Variants in TOX observed in about 807,000 individuals in gnomAD.
TOX encodes the protein thymocyte selection associated high mobility group box.
In TOX, 11 loss-of-function variants were observed where a neutral mutation model predicts 53.7. That is an observed-to-expected ratio of 0.20 (90% confidence interval 0.13 to 0.34). The LOEUF (loss-of-function observed/expected upper bound fraction) is 0.34, where lower values mean the gene tolerates loss of function less well. Ranked by LOEUF, TOX falls within the 10% of genes least tolerant of loss-of-function variation. The pLI is 1.00. For synonymous variants in TOX, 225 were observed against 245.3 expected, an observed-to-expected ratio of 0.92 and a Z score of 0.77; for missense variants, 570 against 664.6, an observed-to-expected ratio of 0.86 and a Z score of 1.56.
chr8:58,979,149 A>G (rs1051001390), intron 1 of TOX, among the ~76,000 whole-genome samples: 1 of 152,230 alleles, frequency 6.6e-6, no homozygotes, highest in African/African-American at 2.4e-5. Flanking sequence ...ACAGGATTTT[A>G]CATGGATTAA....
chr8:59,119,083 G>T lies in TOX; in HGVS notation c.-96C>A, dbSNP rs188270050. 5.8e-5 allele frequency: 44 copies of T among 757,662 alleles called. No individual in the cohort carries two copies. In the South Asian group the frequency reaches 7.1e-4, roughly 12 times the overall value. The allele number at this position is 757,662 out of a possible 1,614,324, so 46.9% of individuals were successfully genotyped here. A position where few individuals can be genotyped will look rare whatever the true frequency, so the allele number is the denominator to read the frequency against. ...AGACGGAACAGAGTGAGGTGTCTGG[G>T]CTCAGGAGTAAAAGAAACACCTTCC... On this transcript the variant is annotated 5_prime_UTR_variant, in exon 1 of 9. Coordinates refer to ENST00000361421, the MANE Select transcript of TOX (RefSeq NM_014729.3).
chr8:59,038,042 C>G (rs1193951807), intron 1 of TOX, among the ~76,000 whole-genome samples: 1 of 152,056 alleles, frequency 6.6e-6, no homozygotes, highest in Non-Finnish European at 1.5e-5. Flanking sequence ...GCCAGACTTC[C>G]CTGTGGAAGA....
intron 1 of TOX, among the ~76,000 whole-genome samples, chr8:58,975,266 C>A (rs200609321): frequency 9.9e-4 from 124 of 124,846 alleles, no homozygotes; most frequent in Middle Eastern, 4.6e-3. Context: ...ACACACACCC[C>A]CACACAGAGA....
chr8:58,857,729 A>C (rs188070122), intron 3 of TOX, among the ~76,000 whole-genome samples: 35 of 152,092 alleles, frequency 2.3e-4, no homozygotes, highest in African/African-American at 8.2e-4. Context: ...TATTAGCTAC[A>C]TATTTCAGCA....
chr8:58,851,715 T>C lies in TOX; in HGVS notation c.502A>G (p.Arg168Gly). 1 of 1,613,592 alleles carries C rather than the reference T, an allele frequency of 6.2e-7. No homozygotes were observed. Among genetic ancestry groups the C allele is most frequent in the Non-Finnish European group, 8.5e-7 (1 of 1,179,814 alleles). Residue 168 changes from arginine (R) to glycine (G), a missense_variant, in exon 4 of 9, where the codon AGG becomes GGG. Around this residue, in one of 3 missense-constraint regions of TOX, gnomAD observed 282 missense variants for 315.0 expected, o/e 0.90. Coordinates refer to ENST00000361421, the MANE Select transcript of TOX (RefSeq NM_014729.3). This position sits in a 1 kb window ranked among gnomAD's most constrained non-coding sequence, Gnocchi z 4.4. ...MRPRGQPADI[R>G]QQPGMMPHGQ... Reference sequence around the variant, plus strand: ...TGTGGCATCATTCCTGGCTGCTGCCTGATGTCTGCAGGCTGGCCCCTTGGT... The same window carrying C: ...TGTGGCATCATTCCTGGCTGCTGCCCGATGTCTGCAGGCTGGCCCCTTGGT...
At chr8:59,110,772 C>T (rs1306621479) in intron 1 of TOX, among the ~76,000 whole-genome samples, 1 of 151,898 alleles carries the variant, frequency 6.6e-6, no homozygotes, top group Non-Finnish European at 1.5e-5. Flanking sequence ...AGGGAGATTA[C>T]ACACTGTACC....
At chr8:58,974,952 T>A (rs768819392) in intron 1 of TOX, among the ~76,000 whole-genome samples, 1 of 152,058 alleles carries the variant, frequency 6.6e-6, no homozygotes, top group South Asian at 2.1e-4. Context: ...CAAGATGTTA[T>A]CTGTGTAAAA....
At chr8:58,884,636 C>T (rs1811437169) in intron 3 of TOX, among the ~76,000 whole-genome samples, 1 of 152,142 alleles carries the variant, frequency 6.6e-6, no homozygotes, top group Non-Finnish European at 1.5e-5. Context: ...AGCAAAACCA[C>T]TACAACTATG....
At chr8:59,039,000 G>A (rs1041715993) in intron 1 of TOX, among the ~76,000 whole-genome samples, 3 of 152,200 alleles carry the variant, frequency 2.0e-5, no homozygotes, top group Non-Finnish European at 4.4e-5. Flanking sequence ...CTCAGGCAAA[G>A]GCACTTAGAT....
chr8:59,009,624 C>A (rs1055626183), intron 1 of TOX, among the ~76,000 whole-genome samples: 22 of 152,080 alleles, frequency 1.4e-4, no homozygotes, highest in African/African-American at 4.8e-4. Flanking sequence ...AAGCTCACCA[C>A]GACTCCCAAA....
chr8:59,055,108 C>A (rs1018955528), intron 1 of TOX, among the ~76,000 whole-genome samples: 1 of 152,128 alleles, frequency 6.6e-6, no homozygotes, highest in Non-Finnish European at 1.5e-5. Context: ...CTATGTGCCA[C>A]TGAACTGATG....
intron 1 of TOX, among the ~76,000 whole-genome samples, chr8:59,018,968 G>A (rs1221593827): frequency 6.6e-6 from 1 of 152,120 alleles, no homozygotes; most frequent in Non-Finnish European, 1.5e-5. Flanking sequence ...AGATGTCTAA[G>A]AGTTCTGTTT....
At chr8:58,847,415 A>C (rs1480332530) in intron 4 of TOX, among the ~76,000 whole-genome samples, 1 of 152,152 alleles carries the variant, frequency 6.6e-6, no homozygotes, top group Non-Finnish European at 1.5e-5. Flanking sequence ...TTGAGATTAA[A>C]ATTGCAATAG....
intron 6 of TOX, among the ~76,000 whole-genome samples, chr8:58,821,085 G>C (rs1810267080): frequency 6.6e-6 from 1 of 151,918 alleles, no homozygotes; most frequent in Non-Finnish European, 1.5e-5. Flanking sequence ...CTCTTTGCAG[G>C]GTTCATAAAG....
intron 6 of TOX, among the ~76,000 whole-genome samples, chr8:58,819,688 A>G (rs921916672): frequency 3.9e-5 from 6 of 152,242 alleles, no homozygotes; most frequent in African/African-American, 1.4e-4. Context: ...AATACTGCAT[A>G]GTGTATAAAT....
chr8:58,971,634 C>T (rs1170216920), intron 1 of TOX, among the ~76,000 whole-genome samples: 1 of 151,986 alleles, frequency 6.6e-6, no homozygotes, highest in East Asian at 1.9e-4. Context: ...TTCGGTGTGC[C>T]CTCAATTTGC....
At chr8:58,885,140 AG>A (rs2129171278) in intron 3 of TOX, among the ~76,000 whole-genome samples, 1 of 152,302 alleles carries the variant, frequency 6.6e-6, no homozygotes, top group South Asian at 2.1e-4. Context: ...ACATTACAAT[AG>A]ATTAATGGGT....
chr8:58,913,882 TA>T (rs1165650060), intron 3 of TOX, among the ~76,000 whole-genome samples: 1 of 152,186 alleles, frequency 6.6e-6, no homozygotes, highest in Non-Finnish European at 1.5e-5. Context: ...TGCTCAAAGT[TA>T]GCTTTCACTT....
At chr8:58,981,250 T>G (rs1178922221) in intron 1 of TOX, among the ~76,000 whole-genome samples, 1 of 152,172 alleles carries the variant, frequency 6.6e-6, no homozygotes, top group African/African-American at 2.4e-5. Flanking sequence ...CTCTTGAGTC[T>G]TCCATCTTCC....
Sources: gnomAD v4.1 joint callset for allele counts (sites outside exome capture counted in the v4.1 genomes callset) on GRCh38, gnomAD v4.1.1 for gene constraint, gnomAD v4.1.1 regional missense constraint, Gnocchi (gnomAD v3.1) non-coding constraint, MANE v1.5 for transcripts, NCBI Gene and HGNC (gene_info 2026-07-23, HGNC 2026-07-21) for gene names.